The following PRRC2B variants were observed in gnomAD, a reference collection of about 807,000 sequenced individuals.
The protein encoded by PRRC2B is proline rich coiled-coil 2B.
Under a neutral mutation model 242.3 loss-of-function variants are expected in PRRC2B, and 68 were observed. That is an observed-to-expected ratio of 0.28 (90% CI 0.23 to 0.34). The LOEUF (loss-of-function observed/expected upper bound fraction) is 0.34. PRRC2B is among the 10% of genes least tolerant of loss of function. The pLI is 1.00. For missense variants in PRRC2B, 2,835 were observed against 2,954.8 expected (o/e 0.96, Z 0.94); for synonymous variants, 1,228 against 1,173.6 (o/e 1.05, Z -0.95).
chr9:131,491,197 C>T, intron 28 of PRRC2B: 1 of 486,376 alleles, frequency 2.1e-6, no homozygotes, highest in Non-Finnish European at 3.6e-6. Context: ...TTTCTCACCA[C>T]CTACTCTATT....
At chr9:131,484,135 A>G (rs1489696524) in intron 23 of PRRC2B, among the ~76,000 whole-genome samples, 1 of 152,190 alleles carries the variant, frequency 6.6e-6, no homozygotes, top group Admixed American at 6.5e-5. Flanking sequence ...TCACATGCAG[A>G]TGGACACCGG....
At position 131,410,603 on chromosome 9, in the gene PRRC2B, G is replaced by C. The variant is rs561908192; in HGVS notation, c.-52+16340G>C. 4.2e-4 allele frequency among the ~76,000 whole-genome samples: 64 copies of C among 152,342 alleles called. No individual in the cohort carries two copies. In the South Asian group the frequency reaches 0.013, roughly 31 times the overall value. On this transcript the variant is annotated intron_variant, in intron 1 of 31. Transcript: ENST00000683519. ...TCACTAACTGGATGATAGTGACCTT[G>C]AACTAGTTATTTAACCTTGCGGAGC...
rs1836703082 is a variant in PRRC2B at position 131,377,523 on chromosome 9, G to T, written c.-56+3792G>T. On this transcript the variant is annotated intron_variant, in intron 1 of 1. Transcript: ENST00000682525. ...CTTTTTCTTTTGTGTGTGTGTGTGTGTGTGATGGCATTTAAATGTGTGCAT... is the reference window on the plus strand; with the variant it reads ...CTTTTTCTTTTGTGTGTGTGTGTGTTTGTGATGGCATTTAAATGTGTGCAT... Among the ~76,000 whole-genome samples the T allele has an allele frequency of 3.3e-5, 5 of 151,940 alleles. No individual in the cohort carries two copies. In the South Asian group the frequency reaches 1.0e-3, roughly 32 times the overall value.
intron 18 of PRRC2B, 23 bp downstream of exon 18, chr9:131,478,642 GC>G: frequency 2.1e-6 from 1 of 482,038 alleles, no homozygotes; most frequent in Non-Finnish European, 4.2e-6. Flanking sequence ...GGGTGGGGGG[GC>G]ATGGGGCTGG....
intron 11 of PRRC2B, among the ~76,000 whole-genome samples, chr9:131,461,983 C>T (rs544399626): frequency 6.6e-6 from 1 of 152,198 alleles, no homozygotes; most frequent in African/African-American, 2.4e-5. Flanking sequence ...GACACAATGC[C>T]ACTGCTCTTG....
chr9:131,486,388 C>T (rs964418249), intron 26 of PRRC2B: 16 of 668,820 alleles, frequency 2.4e-5, no homozygotes, highest in Non-Finnish European at 2.8e-5. Flanking sequence ...GAGTTGGCTG[C>T]TCCAGACTCT....
At chr9:131,468,083 T>C (rs1943445615) in intron 13 of PRRC2B, among the ~76,000 whole-genome samples, 1 of 152,230 alleles carries the variant, frequency 6.6e-6, no homozygotes, top group South Asian at 2.1e-4. Flanking sequence ...GTGTGCAGGC[T>C]GGTTGTTTTA....
chr9:131,475,328 C>T lies in PRRC2B; in HGVS notation c.3199C>T (p.Arg1067Trp), dbSNP rs774315600. Residue 1067 changes from arginine (R) to tryptophan (W), a missense_variant, in exon 16 of 32, where the codon CGG (arginine) becomes TGG (tryptophan). By Grantham distance (101) the Arg-to-Trp change is moderately radical (BLOSUM62 -3). Transcript: ENST00000683519. ...TGGGGTCAGAGGACAGGCCCGGGGC[C>T]GGGGCCGTGGTTTCAGAGAGTTCAC... ...AFGVRGQARG[R>W]GRGFREFTFR... is the part of the protein sequence containing the mutation. The T allele has an allele frequency of 6.5e-5, 103 of 1,593,956 alleles. No homozygotes were observed. Among genetic ancestry groups the T allele is most frequent in the Middle Eastern group, 1.7e-4 (1 of 5,962 alleles).
chr9:131,440,617 G>A (rs2994060), intron 5 of PRRC2B, among the ~76,000 whole-genome samples: 134,030 of 152,212 alleles, frequency 0.88, 59,544 homozygotes, highest in South Asian at 0.97. Context: ...AATGACTTGC[G>A]CATAAGATTA....
intron 25 of PRRC2B, 107 bp downstream of exon 25, chr9:131,485,247 G>C: frequency 1.1e-6 from 1 of 949,844 alleles, no homozygotes; most frequent in Non-Finnish European, 1.5e-6. Flanking sequence ...TAAGTAGCAT[G>C]TAGAAGTAGC....
chr9:131,492,670 A>G (rs77199579), intron 30 of PRRC2B, among the ~76,000 whole-genome samples: 31 of 152,264 alleles, frequency 2.0e-4, no homozygotes, highest in African/African-American at 6.7e-4. Flanking sequence ...GACTTGCCCT[A>G]TGACCCCTGC....
intron 2 of PRRC2B, among the ~76,000 whole-genome samples, chr9:131,431,520 C>T (rs2131326044): frequency 6.6e-6 from 1 of 152,232 alleles, no homozygotes; most frequent in East Asian, 1.9e-4. Flanking sequence ...CCACCTCGGC[C>T]TCCCAGGGTG....
rs1164682595 is a variant in PRRC2B at position 131,444,216 on chromosome 9, C to G, written c.501C>G (p.Phe167Leu). ...GGGGCTCAAGCCGACTGTTATCCTTCTCTCCCGAGGAATTTCCGACGCTGA... is the reference window on the plus strand; with the variant it reads ...GGGGCTCAAGCCGACTGTTATCCTTGTCTCCCGAGGAATTTCCGACGCTGA... The part of the protein sequence containing the change: ...GLRGSSRLLS[F>L]SPEEFPTLKA... Residue 167 changes from phenylalanine (F) to leucine (L), a missense_variant, in exon 6 of 32, where the codon TTC (phenylalanine) becomes TTG (leucine). Phe to Leu is a conservative substitution (Grantham distance 22, BLOSUM62 0). This residue lies in a region of PRRC2B where 626 missense variants were observed against 685.5 expected (regional missense o/e 0.91). Coordinates refer to ENST00000683519, the MANE Select transcript of PRRC2B (RefSeq NM_013318.4). The G allele has an allele frequency of 1.9e-6, 3 of 1,613,904 alleles. No homozygotes were observed. Among genetic ancestry groups the G allele is most frequent in the Non-Finnish European group, 2.5e-6 (3 of 1,179,888 alleles).
intron 1 of PRRC2B, among the ~76,000 whole-genome samples, chr9:131,399,829 G>A (rs1021322505): frequency 1.3e-5 from 2 of 152,042 alleles, no homozygotes; most frequent in Non-Finnish European, 2.9e-5. Flanking sequence ...CTATTATACG[G>A]ATATGCCATA....
chr9:131,393,916 C>G (rs1478168012), upstream of PRRC2B, among the ~76,000 whole-genome samples: 4 of 151,200 alleles, frequency 2.6e-5, no homozygotes, highest in Admixed American at 6.6e-5. Flanking sequence ...CCCCCCTGGC[C>G]CCAGCCCTCG....
In PRRC2B at chr9:131,467,683, C is replaced by T. The variant is rs1353722290; in HGVS notation, c.1841C>T (p.Pro614Leu). The T allele has an allele frequency of 1.2e-6, 2 of 1,614,000 alleles. No individual in the cohort carries two copies. Among genetic ancestry groups the T allele is most frequent in the South Asian group, 2.2e-5 (2 of 91,082 alleles). The change falls in exon 13 of 32, where the codon CCT becomes CTT. Residue 614 changes from proline to leucine, a missense_variant. This residue lies in a region of PRRC2B where 1,536 missense variants were observed against 1,483.1 expected (regional missense o/e 1.04). Transcript: ENST00000683519. The stretch of plus-strand genomic sequence containing the variant: ...GAAGAGGCCAGAGAGGCTGGGTCCC[C>T]TGCACAGGAGTTCAAGTATCAGAAG... ...SEEEAREAGS[P>L]AQEFKYQKSL...
chr9:131,495,587 G>T lies in PRRC2B; in HGVS notation c.6556-153G>T, dbSNP rs372586970. The stretch of plus-strand genomic sequence containing the variant: ...TCGCGCCACTTTCCTTACTAGGAGG[G>T]GGGTTTCTAAGTCTGGTCCTTCAAC... On this transcript the variant is annotated intron_variant, in intron 31 of 31. Coordinates refer to ENST00000683519, the MANE Select transcript of PRRC2B (RefSeq NM_013318.4). 4.6e-5 allele frequency among the ~76,000 whole-genome samples: 7 copies of T among 152,294 alleles called. No homozygotes were observed. The East Asian group carries it at 1.4e-3, about 29-fold the overall frequency.
chr9:131,374,440 A>G (rs928441449), intron 1 of PRRC2B, among the ~76,000 whole-genome samples: 1 of 152,216 alleles, frequency 6.6e-6, no homozygotes, highest in South Asian at 2.1e-4. Flanking sequence ...ATGATATTAA[A>G]TTTTGCTAAC....
At chr9:131,433,088 G>T (rs1049540982) in intron 3 of PRRC2B, among the ~76,000 whole-genome samples, 7 of 152,162 alleles carry the variant, frequency 4.6e-5, no homozygotes, top group African/African-American at 1.4e-4. Context: ...ATTAGGAAAG[G>T]CCTCATCACC....
Sources: gnomAD v4.1 joint callset for allele counts (sites outside exome capture counted in the v4.1 genomes callset) on GRCh38, gnomAD v4.1.1 for gene constraint, gnomAD v4.1.1 regional missense constraint, MANE v1.5 for transcripts, NCBI Gene and HGNC (gene_info 2026-07-23, HGNC 2026-07-21) for gene names.